The following HNF4G variants were observed in gnomAD, a reference collection of about 807,000 sequenced individuals.
HNF4G encodes the protein hepatocyte nuclear factor 4 gamma, also known as hepatocyte nuclear factor 4-gamma.
In HNF4G, 21 loss-of-function variants were observed where a neutral mutation model predicts 50.9. The observed-to-expected ratio is 0.41, with a 90% CI of 0.29 to 0.59. The LOEUF is 0.59. Ranked by LOEUF, HNF4G falls within the 20% of genes least tolerant of loss-of-function variation. The pLI, the probability that HNF4G is intolerant of heterozygous loss-of-function variation, is 0.26. For missense variants in HNF4G, 527 were observed against 559.4 expected, an observed-to-expected ratio of 0.94 and a Z score of 0.58; for synonymous variants, 198 against 185.6, an observed-to-expected ratio of 1.07 and a Z score of -0.54.
chr8:75,496,728 C>G (rs1286612162), intron 2 of HNF4G, among the ~76,000 whole-genome samples: 3 of 151,466 alleles, frequency 2.0e-5, no homozygotes, highest in African/African-American at 7.3e-5. Context: ...TATAACCAGA[C>G]AAGTGGAGAA....
chr8:75,408,934 G>T (rs571987334), intron 1 of HNF4G, among the ~76,000 whole-genome samples: 1 of 152,278 alleles, frequency 6.6e-6, no homozygotes, highest in African/African-American at 2.4e-5. Context: ...TAATTTTACA[G>T]GTTTCCCTTC....
chr8:75,537,387 G>T (rs993826159), upstream of HNF4G, among the ~76,000 whole-genome samples: 1 of 151,984 alleles, frequency 6.6e-6, no homozygotes, highest in African/African-American at 2.4e-5. Context: ...GGGATTATAA[G>T]CGCATGCCAC....
At chr8:75,442,708 T>C (rs1811315716) in intron 1 of HNF4G, among the ~76,000 whole-genome samples, 1 of 152,172 alleles carries the variant, frequency 6.6e-6, no homozygotes, top group Non-Finnish European at 1.5e-5. Context: ...TACCCATAAA[T>C]ATTTCCTAAA....
rs552531827 is a variant in HNF4G at position 75,448,698 on chromosome 8, A to G, written c.-144+40536A>G. Reference sequence around the variant, plus strand: ...TAAGTGAAATATTCAGAAAATTTTTAAAAAACACCTAAAAGGACAACTATC... The same window carrying G: ...TAAGTGAAATATTCAGAAAATTTTTGAAAAACACCTAAAAGGACAACTATC... On this transcript the variant is annotated intron_variant, in intron 1 of 10. Coordinates refer to the HNF4G transcript ENST00000354370. 6.6e-5 allele frequency among the ~76,000 whole-genome samples: 10 copies of G among 152,064 alleles called. No homozygotes were observed. In the East Asian group the frequency reaches 1.9e-3, roughly 29 times the overall value.
intron 2 of HNF4G, among the ~76,000 whole-genome samples, chr8:75,507,253 T>C (rs1028112773): frequency 4.7e-5 from 7 of 148,660 alleles, no homozygotes; most frequent in Admixed American, 1.4e-4. Flanking sequence ...CTACTGACTT[T>C]TAAAATTCTT....
At chr8:75,516,769 T>C (rs974558081) in intron 2 of HNF4G, among the ~76,000 whole-genome samples, 1 of 152,222 alleles carries the variant, frequency 6.6e-6, no homozygotes, top group African/African-American at 2.4e-5. Context: ...GATTGTTATG[T>C]CTTCTTGAAG....
intron 1 of HNF4G, among the ~76,000 whole-genome samples, chr8:75,437,337 G>C (rs1416532168): frequency 2.6e-5 from 4 of 152,168 alleles, no homozygotes; most frequent in Non-Finnish European, 4.4e-5. Context: ...CAGGTATTAA[G>C]TGTATAACAC....
intron 2 of HNF4G, among the ~76,000 whole-genome samples, chr8:75,529,752 A>T (rs567352284): frequency 1.5e-3 from 224 of 152,298 alleles, no homozygotes; most frequent in Admixed American, 2.6e-3. Context: ...ACTAATTTCT[A>T]CTTGAATTAT....
chr8:75,536,535 G>C (rs957477436), upstream of HNF4G, among the ~76,000 whole-genome samples: 2 of 151,880 alleles, frequency 1.3e-5, no homozygotes, highest in African/African-American at 4.8e-5. Context: ...CATCATGAAA[G>C]GCTGCTTGGC....
At chr8:75,517,470 C>T (rs1345858183) in intron 2 of HNF4G, among the ~76,000 whole-genome samples, 3 of 152,160 alleles carry the variant, frequency 2.0e-5, no homozygotes, top group Non-Finnish European at 4.4e-5. Flanking sequence ...GATGGGGGTA[C>T]AGGCATTGGG....
intron 1 of HNF4G, among the ~76,000 whole-genome samples, chr8:75,472,974 A>G (rs1812150794): frequency 6.6e-6 from 1 of 152,196 alleles, no homozygotes; most frequent in South Asian, 2.1e-4. Flanking sequence ...GCTGGTCTTC[A>G]TTGTTGGGCA....
chr8:75,468,143 G>C (rs191957563), intron 1 of HNF4G, among the ~76,000 whole-genome samples: 1 of 151,980 alleles, frequency 6.6e-6, no homozygotes, highest in Non-Finnish European at 1.5e-5. Context: ...TATTCCAATC[G>C]CTTGCATTCT....
chr8:75,464,921 G>A (rs1811932562), intron 1 of HNF4G, among the ~76,000 whole-genome samples: 1 of 152,124 alleles, frequency 6.6e-6, no homozygotes, highest in Non-Finnish European at 1.5e-5. Flanking sequence ...GAATATGTTG[G>A]GAGAGGAAAA....
intron 1 of HNF4G, among the ~76,000 whole-genome samples, chr8:75,453,647 C>T (rs372553930): frequency 6.6e-6 from 1 of 152,116 alleles, no homozygotes; most frequent in African/African-American, 2.4e-5. Context: ...GTAACACTCA[C>T]TGCAAAGGTC....
At chr8:75,538,723 G>T (rs932806984), upstream of HNF4G, among the ~76,000 whole-genome samples, 1 of 152,116 alleles carries the variant, frequency 6.6e-6, no homozygotes, top group Admixed American at 6.6e-5. Flanking sequence ...CAGAATATGA[G>T]GGCAAGAGGA....
intron 2 of HNF4G, among the ~76,000 whole-genome samples, chr8:75,531,071 G>A (rs1006841544): frequency 6.6e-6 from 1 of 152,076 alleles, no homozygotes; most frequent in Non-Finnish European, 1.5e-5. Context: ...TGGGATTACA[G>A]GTGTGAGCCA....
chr8:75,511,139 T>G lies in HNF4G; in HGVS notation c.-24+20931T>G, dbSNP rs572865148. 4.6e-5 allele frequency among the ~76,000 whole-genome samples: 7 copies of G among 152,250 alleles called. No individual in the cohort carries two copies. In the South Asian group the frequency reaches 1.4e-3, roughly 32 times the overall value. On this transcript the variant is annotated intron_variant, in intron 2 of 10. Transcript: ENST00000354370. Reference sequence around the variant, plus strand: ...TTATTATATTCTAAAAGCCTTGCTTTTTACATGTAAGTCATTAATCTACAT... The same window carrying G: ...TTATTATATTCTAAAAGCCTTGCTTGTTACATGTAAGTCATTAATCTACAT...
intron 2 of HNF4G, among the ~76,000 whole-genome samples, chr8:75,525,263 G>C (rs532462627): frequency 6.6e-6 from 1 of 152,188 alleles, no homozygotes; most frequent in African/African-American, 2.4e-5. Context: ...TCCGCTTCCC[G>C]ATTCAAGCAA....
intron 6 of HNF4G, 118 bp from the exon 7 acceptor site, chr8:75,558,400 C>T: frequency 5.8e-6 from 5 of 857,498 alleles, no homozygotes; most frequent in Non-Finnish European, 8.8e-6. Flanking sequence ...AAGTACATCA[C>T]TATTCCTTCA....
Sources: allele counts gnomAD v4.1 joint callset (sites outside exome capture counted in the v4.1 genomes callset), GRCh38; gene constraint gnomAD v4.1.1; transcripts MANE v1.5; gene names NCBI Gene and HGNC (gene_info 2026-07-23, HGNC 2026-07-21).